Variants in PRSS3 observed in about 807,000 individuals in gnomAD.
PRSS3 encodes trypsin-3.
Under a neutral mutation model 20.8 loss-of-function variants are expected in PRSS3, and 14 were observed. The observed-to-expected ratio is 0.67, with a 90% CI of 0.44 to 1.05. PRSS3 has a LOEUF of 1.05. PRSS3 is among the 50% of genes least tolerant of loss of function. The pLI, the probability that PRSS3 is intolerant of heterozygous loss-of-function variation, is 0.00. For synonymous variants in PRSS3, 91 were observed against 117.6 expected, an observed-to-expected ratio of 0.77 and a Z score of 1.46; for missense variants, 237 against 306.4, an observed-to-expected ratio of 0.77 and a Z score of 1.69.
At chr9:33,766,145 A>G (rs1823402059) in intron 1 of PRSS3, among the ~76,000 whole-genome samples, 1 of 151,610 alleles carries the variant, frequency 6.6e-6, no homozygotes, top group Non-Finnish European at 1.5e-5. Flanking sequence ...AGCGTTTGTA[A>G]TCCCAACTAC....
At chr9:33,769,417 CCCTCTTGTCAAATGG>C (rs1823586659) in intron 1 of PRSS3, among the ~76,000 whole-genome samples, 1 of 152,120 alleles carries the variant, frequency 6.6e-6, no homozygotes, top group Non-Finnish European at 1.5e-5. Flanking sequence ...CTGTGGAGGG[CCCTCTTGTCAAATGG>C]CCTCGCCCCC....
upstream of PRSS3, among the ~76,000 whole-genome samples, chr9:33,790,611 T>C (rs574054331): frequency 1.3e-5 from 2 of 152,334 alleles, no homozygotes; most frequent in Non-Finnish European, 2.9e-5. Context: ...AGTCATCCCA[T>C]ATTATATTAT....
chr9:33,762,284 T>C (rs1442199921), intron 1 of PRSS3: 4 of 152,138 alleles, frequency 2.6e-5, no homozygotes, highest in African/African-American at 7.2e-5. Flanking sequence ...GAACTTCCCA[T>C]ACAGGAAATA....
At chr9:33,796,398 A>T (rs796264970) in intron 1 of PRSS3, among the ~76,000 whole-genome samples, 2 of 99,664 alleles carry the variant, frequency 2.0e-5, no homozygotes, top group Non-Finnish European at 4.2e-5. Flanking sequence ...CATTCCTTGC[A>T]TCCTCAGCCT....
intron 1 of PRSS3, among the ~76,000 whole-genome samples, chr9:33,772,811 G>A (rs1823765074): frequency 1.3e-5 from 2 of 152,148 alleles, no homozygotes; most frequent in South Asian, 2.1e-4. Flanking sequence ...CACAAACTGG[G>A]AGACATTTGC....
chr9:33,751,281 C>A (rs1822685112), intron 1 of PRSS3, among the ~76,000 whole-genome samples: 1 of 152,324 alleles, frequency 6.6e-6, no homozygotes, highest in East Asian at 1.9e-4. Context: ...CAGATCCTTT[C>A]CTGAGGCCAG....
At chr9:33,782,339 T>C (rs1824221799) in intron 1 of PRSS3, among the ~76,000 whole-genome samples, 1 of 152,228 alleles carries the variant, frequency 6.6e-6, no homozygotes, top group South Asian at 2.1e-4. Flanking sequence ...AACTCTTTCC[T>C]TTTGGGCTTG....
At chr9:33,788,707 G>A (rs1475245223) in intron 1 of PRSS3, among the ~76,000 whole-genome samples, 1 of 152,024 alleles carries the variant, frequency 6.6e-6, no homozygotes, top group South Asian at 2.1e-4. Context: ...ATCCTCTCGG[G>A]GCCAAAACTT....
chr9:33,760,344 T>G (rs1823137009), intron 1 of PRSS3, among the ~76,000 whole-genome samples: 3 of 152,160 alleles, frequency 2.0e-5, no homozygotes, highest in Admixed American at 2.0e-4. Context: ...TAAAACTTGC[T>G]CCAACTTCTG....
At chr9:33,763,589 C>G (rs918558025) in intron 1 of PRSS3, among the ~76,000 whole-genome samples, 1 of 150,798 alleles carries the variant, frequency 6.6e-6, no homozygotes, top group Non-Finnish European at 1.5e-5. Context: ...ATCCCAGCTA[C>G]TTGGGAGGCT....
At chr9:33,776,236 A>G (rs899356196) in intron 1 of PRSS3, among the ~76,000 whole-genome samples, 4 of 152,232 alleles carry the variant, frequency 2.6e-5, no homozygotes, top group Admixed American at 2.6e-4. Context: ...AAATGATCCA[A>G]TTTGAAAAAC....
At chr9:33,771,338 G>A (rs1456427513) in intron 1 of PRSS3, among the ~76,000 whole-genome samples, 1 of 151,014 alleles carries the variant, frequency 6.6e-6, no homozygotes. Context: ...TATGTTTTGA[G>A]ATGGAGTCTT....
chr9:33,786,568 G>A, intron 1 of PRSS3: 1 of 766,244 alleles, frequency 1.3e-6, no homozygotes, highest in South Asian at 1.3e-5. Context: ...AGCCAAGCAG[G>A]GATATCTGTC....
chr9:33,784,320 G>A (rs1824298426), intron 1 of PRSS3, among the ~76,000 whole-genome samples: 1 of 152,158 alleles, frequency 6.6e-6, no homozygotes, highest in South Asian at 2.1e-4. Context: ...AAGATGCTGG[G>A]TTATTTTGGC....
chr9:33,779,469 TATTA>T (rs1422789212), intron 1 of PRSS3, among the ~76,000 whole-genome samples: 1 of 152,218 alleles, frequency 6.6e-6, no homozygotes, highest in Non-Finnish European at 1.5e-5. Context: ...TGCTGTAAAT[TATTA>T]ATTAACAGCA....
chr9:33,775,091 A>C (rs1297788058), intron 1 of PRSS3, among the ~76,000 whole-genome samples: 1 of 151,676 alleles, frequency 6.6e-6, no homozygotes, highest in Non-Finnish European at 1.5e-5. Context: ...CCAACCAAAA[A>C]ATATATAAAA....
chr9:33,797,957 T>G lies in PRSS3; in HGVS notation c.329T>G (p.Leu110Arg), dbSNP rs763201535. 2 of 1,614,284 alleles carry G rather than the reference T, an allele frequency of 1.2e-6. No individual in the cohort carries two copies. The highest frequency in any genetic ancestry group is 1.7e-5 in the Admixed American group (1 of 60,036). The change falls in exon 3 of 5, where the codon CTG becomes CGG. Residue 110 changes from leucine to arginine, a missense_variant. Physicochemically the swap from Leu to Arg is moderately radical, Grantham distance 102. Transcript: ENST00000379405. Reference protein sequence around the residue: ...NRDTLDNDIMLIKLSSPAVIN... With the variant: ...NRDTLDNDIMRIKLSSPAVIN... The stretch of plus-strand genomic sequence containing the variant: ...GACACTCTGGACAATGACATCATGC[T>G]GATCAAACTCTCCTCACCTGCCGTC...
intron 1 of PRSS3, among the ~76,000 whole-genome samples, chr9:33,783,757 G>T (rs1181790398): frequency 1.3e-5 from 2 of 152,086 alleles, no homozygotes; most frequent in African/African-American, 4.8e-5. Flanking sequence ...AGGCGTGGTG[G>T]TGCACGCCTG....
intron 1 of PRSS3, among the ~76,000 whole-genome samples, chr9:33,771,012 T>C (rs1389679072): frequency 6.6e-6 from 1 of 152,094 alleles, no homozygotes; most frequent in Non-Finnish European, 1.5e-5. Flanking sequence ...ATAAAATGAC[T>C]GGTGGCTGCC....
Sources: gnomAD v4.1 joint callset for allele counts (sites outside exome capture counted in the v4.1 genomes callset) on GRCh38, gnomAD v4.1.1 for gene constraint, MANE v1.5 for transcripts, NCBI Gene and HGNC (gene_info 2026-07-23, HGNC 2026-07-21) for gene names.